Variants in FAM153A observed in about 807,000 individuals in gnomAD.
The protein encoded by FAM153A is protein FAM153A.
FAM153A carries 12 observed loss-of-function variants against 48.1 expected under a neutral mutation model. That is an observed-to-expected ratio of 0.25 (90% CI 0.16 to 0.40). FAM153A has a LOEUF of 0.40. Among genes scored for constraint, FAM153A ranks in the 10% least tolerant of loss-of-function variants. FAM153A has a pLI of 1.00. For synonymous variants in FAM153A, 36 were observed against 118.2 expected, an observed-to-expected ratio of 0.30 and a Z score of 4.51; for missense variants, 111 against 345.8, an observed-to-expected ratio of 0.32 and a Z score of 5.38.
chr5:177,699,602 T>C, the FAM153A span, among the ~76,000 whole-genome samples: 3 of 151,158 alleles, frequency 2.0e-5, no homozygotes, highest in Non-Finnish European at 4.4e-5. Flanking sequence ...ATTAGATAAC[T>C]TAGATGAAAT....
chr5:177,726,409 C>CTGT (rs1762522251), intron 18 of FAM153A, among the ~76,000 whole-genome samples: 1 of 151,918 alleles, frequency 6.6e-6, no homozygotes, highest in African/African-American at 2.4e-5. Flanking sequence ...ATACACAACT[C>CTGT]GCACAAAGCC....
chr5:177,754,719 C>T (rs1189864107), upstream of FAM153A, among the ~76,000 whole-genome samples: 8 of 152,010 alleles, frequency 5.3e-5, no homozygotes, highest in East Asian at 3.9e-4. Context: ...GACACCCAGG[C>T]AAACAAGGTC....
At chr5:177,695,017 G>A in the FAM153A span, among the ~76,000 whole-genome samples, 142 of 150,008 alleles carry the variant, frequency 9.5e-4, 4 homozygotes, top group African/African-American at 3.4e-3. Context: ...TCCACCTCCC[G>A]GGTTCAAGCA....
At chr5:177,706,407 G>A (rs1245020158), downstream of FAM153A, among the ~76,000 whole-genome samples, 24 of 151,578 alleles carry the variant, frequency 1.6e-4, no homozygotes, top group Non-Finnish European at 4.4e-5. Flanking sequence ...CACCGTGTTA[G>A]CCAGGATGGT....
At chr5:177,704,546 G>A (rs1412080012), downstream of FAM153A, among the ~76,000 whole-genome samples, 6 of 141,562 alleles carry the variant, frequency 4.2e-5, no homozygotes, top group Admixed American at 4.2e-4. Context: ...GTCGGGCATG[G>A]TGGGAGGTGA....
chr5:177,697,923 G>T, the FAM153A span, among the ~76,000 whole-genome samples: 1 of 139,926 alleles, frequency 7.1e-6, no homozygotes, highest in Non-Finnish European at 1.6e-5. Context: ...CCCCATCTAA[G>T]TTGATACCAG....
At chr5:177,725,820 C>T (rs1290291282) in intron 18 of FAM153A, among the ~76,000 whole-genome samples, 1 of 151,898 alleles carries the variant, frequency 6.6e-6, no homozygotes, top group African/African-American at 2.4e-5. Flanking sequence ...CACAGCAGCC[C>T]CTCCACACAT....
chr5:177,699,681 T>TA, the FAM153A span, among the ~76,000 whole-genome samples: 5 of 152,256 alleles, frequency 3.3e-5, no homozygotes, highest in Non-Finnish European at 7.3e-5. Flanking sequence ...CTGAAAGATG[T>TA]ATAACAAGAA....
chr5:177,710,617 C>T (rs1192214113), downstream of FAM153A, among the ~76,000 whole-genome samples: 1 of 146,848 alleles, frequency 6.8e-6, no homozygotes, highest in Non-Finnish European at 1.5e-5. Flanking sequence ...AATTTTTAAA[C>T]TTGCTCCTGT....
the FAM153A span, among the ~76,000 whole-genome samples, chr5:177,700,842 C>T: frequency 1.3e-5 from 2 of 151,890 alleles, no homozygotes; most frequent in South Asian, 4.2e-4. Context: ...GACCAATACA[C>T]AAAAATCAGT....
intron 10 of FAM153A, among the ~76,000 whole-genome samples, chr5:177,738,880 G>GC (rs916501083): frequency 6.0e-5 from 9 of 150,964 alleles, no homozygotes; most frequent in African/African-American, 1.5e-4. Context: ...TCTTATACCC[G>GC]CCCCCCACCT....
upstream of FAM153A, among the ~76,000 whole-genome samples, chr5:177,755,532 G>A (rs1767639165): frequency 6.6e-6 from 1 of 151,700 alleles, no homozygotes; most frequent in Admixed American, 6.6e-5. Flanking sequence ...ACACATAATT[G>A]TCAGATTCAC....
downstream of FAM153A, among the ~76,000 whole-genome samples, chr5:177,710,219 T>C (rs1196663647): frequency 1.3e-5 from 2 of 151,376 alleles, no homozygotes; most frequent in Non-Finnish European, 2.9e-5. Context: ...TTCGAGAAAT[T>C]ATTCTGCCTC....
chr5:177,715,204 A>C (rs1248541676), intron 25 of FAM153A, among the ~76,000 whole-genome samples: 1 of 151,722 alleles, frequency 6.6e-6, no homozygotes, highest in East Asian at 1.9e-4. Context: ...GGCTGGTCTC[A>C]AACTCCTGAC....
chr5:177,709,209 C>T (rs1218655452), downstream of FAM153A, among the ~76,000 whole-genome samples: 15 of 142,214 alleles, frequency 1.1e-4, no homozygotes, highest in Non-Finnish European at 2.1e-4. Context: ...CTGTTCAACA[C>T]GGTAACTGCT....
At chr5:177,734,782 T>A (rs28420554) in intron 13 of FAM153A, 81 bp downstream of exon 15, 9 of 1,610,282 alleles carry the variant, frequency 5.6e-6, no homozygotes, top group South Asian at 1.1e-5. Context: ...TATCTTCAGA[T>A]TCTCATATCT....
In FAM153A at chr5:177,737,080, C is replaced by T; in HGVS notation, c.595G>A (p.Gly199Arg). 3 of 1,559,414 alleles carry T rather than the reference C, an allele frequency of 1.9e-6. 1 individual carries two copies. The highest frequency in any genetic ancestry group is 2.6e-6 in the Non-Finnish European group (3 of 1,153,698). ...GTGGCTTCCTCAGAGACTGTCTGCC[C>T]TGGCCCATGCTCCTCCAGGTCTTCC... is the stretch of plus-strand genomic sequence containing the variant. Residue 199 changes from glycine (G) to arginine (R), a missense_variant, in exon 11 of 21, where the codon GGG becomes AGG. Gly to Arg is a moderately radical substitution (Grantham distance 125). Transcript: ENST00000614127.
chr5:177,756,537 T>G (rs1193325355), upstream of FAM153A, among the ~76,000 whole-genome samples: 3 of 141,138 alleles, frequency 2.1e-5, no homozygotes, highest in African/African-American at 7.6e-5. Flanking sequence ...ATATACGTTC[T>G]TCTCAGCACC....
At position 177,731,543 on chromosome 5, in the gene FAM153A, C is replaced by T; in HGVS notation, c.862+26G>A. ...ACAACACTAAGATTTCAAACCTAAA[C>T]AAAGAGAGGATCCCAGAATACGTAC... On this transcript the variant is annotated intron_variant, in intron 16 of 20. Transcript: ENST00000614127. 4 of 1,104,088 alleles carry T rather than the reference C, an allele frequency of 3.6e-6. 1 individual carries two copies. The highest frequency in any genetic ancestry group is 4.9e-6 in the Non-Finnish European group (4 of 823,842). 68.4% of individuals were successfully genotyped at this position (1,104,088 alleles called of 1,614,324 possible).
Sources: gnomAD v4.1 joint callset for allele counts (sites outside exome capture counted in the v4.1 genomes callset) on GRCh38, gnomAD v4.1.1 for gene constraint, MANE v1.5 for transcripts, NCBI Gene and HGNC (gene_info 2026-07-23, HGNC 2026-07-21) for gene names.